PAN3: variants seen among roughly 807,000 people sequenced by gnomAD.
The protein encoded by PAN3 is poly(A) specific ribonuclease subunit PAN3.
A neutral mutation model predicts 96.2 loss-of-function variants in PAN3; 19 were observed. The ratio of observed to expected loss-of-function variants is 0.20; its 90% CI spans 0.14 to 0.29. The LOEUF (loss-of-function observed/expected upper bound fraction) is 0.29. Ranked by LOEUF, PAN3 falls within the 10% of genes least tolerant of loss-of-function variation. The probability of loss-of-function intolerance (pLI) is 1.00; values close to 1 mark genes in which losing one functional copy is unlikely to be tolerated. For synonymous variants in PAN3, 433 were observed against 406.6 expected (o/e 1.06, Z -0.78); for missense variants, 882 against 1,108.1 (o/e 0.80, Z 2.90).
At chr13:28,269,635 T>G (rs1246690771) in intron 12 of PAN3, among the ~76,000 whole-genome samples, 1 of 152,162 alleles carries the variant, frequency 6.6e-6, no homozygotes, top group African/African-American at 2.4e-5. Context: ...TCTTGTTTCC[T>G]TATTACTACA....
chr13:28,191,131 T>G (rs1050948395), intron 4 of PAN3, among the ~76,000 whole-genome samples: 1 of 152,230 alleles, frequency 6.6e-6, no homozygotes, highest in African/African-American at 2.4e-5. Flanking sequence ...TTGTTTGCTC[T>G]GAAGGAGGGG....
chr13:28,270,985 G>T, intron 13 of PAN3, 119 bp downstream of exon 13: 7 of 1,014,686 alleles, frequency 6.9e-6, no homozygotes, highest in Admixed American at 5.4e-5. Flanking sequence ...AAGAACTTCT[G>T]TAACTTTGAA....
intron 5 of PAN3, among the ~76,000 whole-genome samples, chr13:28,205,437 A>G (rs1046270997): frequency 2.6e-5 from 4 of 152,080 alleles, no homozygotes; most frequent in South Asian, 2.1e-4. Flanking sequence ...CCCTTACTCT[A>G]TCACTTTAGA....
chr13:28,149,756 C>A (rs1871128266), intron 1 of PAN3, among the ~76,000 whole-genome samples: 1 of 152,214 alleles, frequency 6.6e-6, no homozygotes, highest in African/African-American at 2.4e-5. Context: ...GTTAGGTCTA[C>A]AGGGACAGGC....
chr13:28,177,408 G>A (rs1051931518), intron 3 of PAN3, among the ~76,000 whole-genome samples: 6 of 152,256 alleles, frequency 3.9e-5, no homozygotes, highest in African/African-American at 1.4e-4. Context: ...AGTTTGCAGA[G>A]TAAATGGTTT....
intron 5 of PAN3, chr13:28,215,584 T>TGA (rs1880647288): frequency 2.6e-6 from 2 of 783,766 alleles, no homozygotes; most frequent in Admixed American, 4.1e-5. Context: ...GTCTATGCCC[T>TGA]TGTACTGAAT....
At position 28,138,603 on chromosome 13, in the gene PAN3, T is replaced by C. The variant is rs1593333182; in HGVS notation, c.-55T>C. ...TCTTCCTTTCCTCCCCCGTCTATGG[T>C]GGTGGCGGCGGCGGCTCCTCGGGCG... is the stretch of plus-strand genomic sequence containing the variant. On this transcript the variant is annotated 5_prime_UTR_variant, in exon 1 of 19. Transcript: ENST00000380958. 6.4e-6 allele frequency: 3 copies of C among 465,382 alleles called. No individual in the cohort carries two copies. Among genetic ancestry groups the C allele is most frequent in the South Asian group, 7.9e-5 (2 of 25,196 alleles). The allele number at this position is 465,382 out of a possible 1,614,324, so 28.8% of individuals were successfully genotyped here. A position where few individuals can be genotyped will look rare whatever the true frequency, so the allele number is the denominator to read the frequency against.
At chr13:28,218,539 G>A (rs1261945097) in intron 5 of PAN3, among the ~76,000 whole-genome samples, 22 of 152,122 alleles carry the variant, frequency 1.4e-4, no homozygotes, top group Admixed American at 1.3e-3. Context: ...TTACAGTGTT[G>A]TATGTAACTC....
intron 5 of PAN3, among the ~76,000 whole-genome samples, chr13:28,207,808 A>G (rs957264138): frequency 6.6e-6 from 1 of 152,186 alleles, no homozygotes; most frequent in Non-Finnish European, 1.5e-5. Context: ...TGATACATGG[A>G]TGTTCTGAGT....
intron 7 of PAN3, among the ~76,000 whole-genome samples, chr13:28,258,450 G>C (rs1305815173): frequency 6.6e-6 from 1 of 152,214 alleles, no homozygotes; most frequent in Non-Finnish European, 1.5e-5. Context: ...TTGAAAGAAT[G>C]AAAGACAAGA....
chr13:28,273,477 C>G (rs1886799171), intron 14 of PAN3, among the ~76,000 whole-genome samples: 1 of 152,012 alleles, frequency 6.6e-6, no homozygotes, highest in African/African-American at 2.4e-5. Flanking sequence ...TGGCACACAC[C>G]TGTAGTCCAG....
rs192455364 is a variant in PAN3 at position 28,191,391 on chromosome 13, G to T, written c.691-5794G>T. 1.8e-3 allele frequency among the ~76,000 whole-genome samples: 271 copies of T among 152,246 alleles called. 3 individuals are homozygous for T. Among genetic ancestry groups the T allele is most frequent in the South Asian group, 0.016 (75 of 4,820 alleles). On this transcript the variant is annotated intron_variant, in intron 4 of 18. Transcript: ENST00000380958. Reference sequence around the variant, plus strand: ...TCTCGACTAGTGATTCGTAGCCAGGGCAGTTGTGTCTTTTTACCCCCAGAG... The same window carrying T: ...TCTCGACTAGTGATTCGTAGCCAGGTCAGTTGTGTCTTTTTACCCCCAGAG...
intron 5 of PAN3, chr13:28,215,795 G>C (rs1880675666): frequency 1.4e-6 from 2 of 1,395,704 alleles, no homozygotes; most frequent in African/African-American, 2.8e-5. Flanking sequence ...TTGGTGATGT[G>C]AGACAGACAG....
chr13:28,141,448 CTTTTTCTT>C lies in PAN3; in HGVS notation c.430+2375_430+2382del, dbSNP rs1240735176. On this transcript the variant is annotated intron_variant, in intron 1 of 18. Coordinates refer to ENST00000380958, the MANE Select transcript of PAN3 (RefSeq NM_175854.8). ...GCTCTGACGATCATTCTAGGATTTT[CTTTTTCTT>C]TTTTTCTTTTTTTTTTTTTTTTTTT... 1.7e-3 allele frequency among the ~76,000 whole-genome samples: 217 copies of C among 130,828 alleles called. 2 individuals carry two copies. In the South Asian group the frequency reaches 0.018, roughly 11 times the overall value. 85.8% of individuals were successfully genotyped at this position (130,828 alleles called of 152,430 possible).
At chr13:28,206,650 C>T (rs1352363055) in intron 5 of PAN3, among the ~76,000 whole-genome samples, 1 of 152,000 alleles carries the variant, frequency 6.6e-6, no homozygotes, top group East Asian at 1.9e-4. Flanking sequence ...CGGCATTCCT[C>T]TTACTTGCCC....
At chr13:28,167,587 A>G (rs148299647) in intron 1 of PAN3, among the ~76,000 whole-genome samples, 131 of 150,962 alleles carry the variant, frequency 8.7e-4, no homozygotes, top group African/African-American at 2.9e-3. Context: ...CTGTAATCCT[A>G]GCACTTTGGG....
At chr13:28,192,168 C>T (rs1186899701) in intron 4 of PAN3, among the ~76,000 whole-genome samples, 1 of 151,702 alleles carries the variant, frequency 6.6e-6, no homozygotes. Context: ...CTCCTGGGTT[C>T]AAGAGATTCT....
chr13:28,274,680 T>G (rs1241454607), intron 14 of PAN3, among the ~76,000 whole-genome samples: 2 of 152,184 alleles, frequency 1.3e-5, no homozygotes, highest in African/African-American at 4.8e-5. Context: ...AGGATATGCC[T>G]TCATTCATAA....
At chr13:28,194,584 C>T (rs1174970560) in intron 4 of PAN3, among the ~76,000 whole-genome samples, 2 of 150,716 alleles carry the variant, frequency 1.3e-5, no homozygotes, top group African/African-American at 2.4e-5. Flanking sequence ...AATTCTGCCT[C>T]AGCCTCCCAA....
Sources: allele counts gnomAD v4.1 joint callset (sites outside exome capture counted in the v4.1 genomes callset), GRCh38; gene constraint gnomAD v4.1.1; transcripts MANE v1.5; gene names NCBI Gene and HGNC (gene_info 2026-07-23, HGNC 2026-07-21).